DLG2: variants seen among roughly 807,000 people sequenced by gnomAD.
DLG2 encodes discs large MAGUK scaffold protein 2.
Under a neutral mutation model 132.5 loss-of-function variants are expected in DLG2, and 45 were observed. The ratio of observed to expected loss-of-function variants is 0.34; its 90% CI spans 0.27 to 0.44. The LOEUF is 0.44. DLG2 is among the 20% of genes least tolerant of loss of function. The pLI, the probability that DLG2 is intolerant of heterozygous loss-of-function variation, is 1.00. For missense variants in DLG2, 1,045 were observed against 1,196.9 expected (o/e 0.87, Z 1.87); for synonymous variants, 424 against 419.6 (o/e 1.01, Z -0.13).
At chr11:83,749,240 C>T (rs1205167805) in intron 18 of DLG2, among the ~76,000 whole-genome samples, 1 of 152,108 alleles carries the variant, frequency 6.6e-6, no homozygotes, top group African/African-American at 2.4e-5. Context: ...AACCTTTTTG[C>T]CTTTCTTTTT....
At chr11:85,334,026 A>G (rs942066828) in intron 3 of DLG2, among the ~76,000 whole-genome samples, 2 of 151,992 alleles carry the variant, frequency 1.3e-5, no homozygotes, top group Non-Finnish European at 2.9e-5. Flanking sequence ...TGCTTTATAC[A>G]TCTGGTAGAA....
intron 7 of DLG2, among the ~76,000 whole-genome samples, chr11:84,433,888 G>C (rs1183712808): frequency 6.6e-6 from 1 of 152,088 alleles, no homozygotes; most frequent in East Asian, 1.9e-4. Flanking sequence ...AGGCCAAGGT[G>C]GGCAGATCAC....
intron 18 of DLG2, among the ~76,000 whole-genome samples, chr11:83,663,856 A>T (rs148081007): frequency 1.4e-3 from 210 of 152,312 alleles, no homozygotes; most frequent in African/African-American, 4.8e-3. Flanking sequence ...AGAAATAAGA[A>T]TCCATCCATC....
chr11:85,485,980 A>G (rs1299147015), intron 3 of DLG2, among the ~76,000 whole-genome samples: 1 of 152,172 alleles, frequency 6.6e-6, no homozygotes, highest in East Asian at 1.9e-4. Flanking sequence ...GATAGTCCAC[A>G]TCATCATGCT....
chr11:84,271,430 TA>T (rs2097720715), intron 7 of DLG2, among the ~76,000 whole-genome samples: 1 of 152,186 alleles, frequency 6.6e-6, no homozygotes, highest in African/African-American at 2.4e-5. Flanking sequence ...TTCCATGTAT[TA>T]ACACATCCCT....
At position 85,193,626 on chromosome 11, in the gene DLG2, T is replaced by G. The variant is rs557667094; in HGVS notation, c.187-38975A>C. Among the ~76,000 whole-genome samples, 12 of 152,338 alleles carry G rather than the reference T, an allele frequency of 7.9e-5. No individual in the cohort carries two copies. In the South Asian group the frequency reaches 2.5e-3, roughly 32 times the overall value. ...TTTTGACTTGCATTTCCCTAATGAT[T>G]AATGTTATCGATCATCTTTTTGTGT... On this transcript the variant is annotated intron_variant, in intron 4 of 27. Coordinates refer to ENST00000376104, the MANE Select transcript of DLG2 (RefSeq NM_001142699.3).
intron 6 of DLG2, among the ~76,000 whole-genome samples, chr11:84,556,960 C>G (rs1204151622): frequency 3.9e-5 from 6 of 152,096 alleles, no homozygotes; most frequent in Non-Finnish European, 7.4e-5. Flanking sequence ...GTATTACCAG[C>G]AGAATGGAGG....
chr11:83,906,980 C>T (rs2075122584), intron 15 of DLG2, among the ~76,000 whole-genome samples: 2 of 152,122 alleles, frequency 1.3e-5, no homozygotes, highest in South Asian at 4.1e-4. Flanking sequence ...CAGAAAAATA[C>T]TATGAAATTG....
chr11:84,539,672 T>A (rs1033218664), intron 6 of DLG2, among the ~76,000 whole-genome samples: 3 of 152,186 alleles, frequency 2.0e-5, no homozygotes, highest in African/African-American at 7.2e-5. Context: ...ATTTTCACGA[T>A]ATTGATTCTT....
intron 6 of DLG2, among the ~76,000 whole-genome samples, chr11:84,983,626 C>T (rs1481781506): frequency 1.3e-5 from 2 of 152,094 alleles, no homozygotes; most frequent in Non-Finnish European, 2.9e-5. Flanking sequence ...GCTAACCAGC[C>T]ATGAATCCAT....
chr11:84,819,283 T>C (rs2077423433), intron 6 of DLG2, among the ~76,000 whole-genome samples: 1 of 151,940 alleles, frequency 6.6e-6, no homozygotes, highest in South Asian at 2.1e-4. Context: ...CTTCTTCCTG[T>C]GTCAAAACTG....
intron 7 of DLG2, among the ~76,000 whole-genome samples, chr11:84,375,612 T>A (rs2098725909): frequency 6.6e-6 from 1 of 152,114 alleles, no homozygotes; most frequent in Non-Finnish European, 1.5e-5. Context: ...TTTGATCATC[T>A]GACTTTATCC....
chr11:85,068,735 T>C (rs1051072624), intron 6 of DLG2, among the ~76,000 whole-genome samples: 5 of 151,954 alleles, frequency 3.3e-5, no homozygotes, highest in African/African-American at 4.8e-5. Context: ...CCCAAGGAAA[T>C]TTACAGATTC....
intron 6 of DLG2, among the ~76,000 whole-genome samples, chr11:84,755,148 C>A (rs73513196): frequency 3.9e-5 from 6 of 151,978 alleles, no homozygotes; most frequent in Non-Finnish European, 7.4e-5. Flanking sequence ...TTGAAGAGAC[C>A]GGAAGAACCC....
At chr11:84,290,488 A>G (rs1053042485) in intron 7 of DLG2, among the ~76,000 whole-genome samples, 1 of 152,148 alleles carries the variant, frequency 6.6e-6, no homozygotes, top group African/African-American at 2.4e-5. Context: ...CTGAGACTCA[A>G]ATACAAAACG....
chr11:84,961,798 T>C (rs888875738), intron 6 of DLG2, among the ~76,000 whole-genome samples: 1 of 152,300 alleles, frequency 6.6e-6, no homozygotes, highest in East Asian at 1.9e-4. Flanking sequence ...TGCATAAGTA[T>C]AATGACAGAC....
At chr11:84,036,575 C>T (rs556430078) in intron 11 of DLG2, among the ~76,000 whole-genome samples, 2 of 152,184 alleles carry the variant, frequency 1.3e-5, no homozygotes, top group African/African-American at 4.8e-5. Context: ...TCCATGATAC[C>T]ATTTCTCACA....
rs748753104 is a variant in DLG2 at position 84,037,149 on chromosome 11, G to C, written c.919+22166C>G. Among the ~76,000 whole-genome samples, 31 of 152,126 alleles carry C rather than the reference G, an allele frequency of 2.0e-4. 1 individual carries two copies. Among genetic ancestry groups the C allele is most frequent in the African/African-American group, 7.2e-4 (30 of 41,444 alleles). On this transcript the variant is annotated intron_variant, in intron 11 of 27. Coordinates refer to ENST00000376104, the MANE Select transcript of DLG2 (RefSeq NM_001142699.3). Reference sequence around the variant, plus strand: ...ATACCTAAAAGATTATCTTTTATTAGTGAATGCAAATGTGGAGTCTGAAAT... The same window carrying C: ...ATACCTAAAAGATTATCTTTTATTACTGAATGCAAATGTGGAGTCTGAAAT...
intron 3 of DLG2, among the ~76,000 whole-genome samples, chr11:85,345,235 G>C (rs2082750756): frequency 6.6e-6 from 1 of 152,016 alleles, no homozygotes; most frequent in South Asian, 2.1e-4. Context: ...TCATTCCTTA[G>C]AAAGATATTT....
Sources: allele counts gnomAD v4.1 joint callset (sites outside exome capture counted in the v4.1 genomes callset), GRCh38; gene constraint gnomAD v4.1.1; transcripts MANE v1.5; gene names NCBI Gene and HGNC (gene_info 2026-07-23, HGNC 2026-07-21).